Variants in RGL1 observed in about 807,000 individuals in gnomAD.
RGL1 encodes the protein ral guanine nucleotide dissociation stimulator-like 1.
In RGL1, 24 loss-of-function variants were observed where a neutral mutation model predicts 95.2. The observed-to-expected ratio is 0.25, with a 90% CI of 0.18 to 0.35. The LOEUF is 0.35. Ranked by LOEUF, RGL1 falls within the 10% of genes least tolerant of loss-of-function variation. The pLI is 1.00. For synonymous variants in RGL1, 329 were observed against 344.9 expected (o/e 0.95, Z 0.51); for missense variants, 715 against 936.3 (o/e 0.76, Z 3.08).
chr1:183,849,573 C>G (rs1198827866), intron 3 of RGL1, among the ~76,000 whole-genome samples: 6 of 145,316 alleles, frequency 4.1e-5, no homozygotes, highest in African/African-American at 1.5e-4. Context: ...TCACTGCAAC[C>G]TCCGCCTCTT....
At chr1:183,738,428 A>G (rs1657079549) in intron 1 of RGL1, among the ~76,000 whole-genome samples, 2 of 152,134 alleles carry the variant, frequency 1.3e-5, no homozygotes, top group Admixed American at 6.5e-5. Context: ...CTAAAAAAAA[A>G]AAGAAAGAAA....
chr1:183,905,004 T>G, intron 13 of RGL1, 33 bp downstream of exon 13: 1 of 1,590,980 alleles, frequency 6.3e-7, no homozygotes, highest in Admixed American at 1.9e-5. Context: ...GGGGTAGAAC[T>G]GAAGTGTTGG....
chr1:183,833,841 C>T (rs189904738), intron 2 of RGL1, among the ~76,000 whole-genome samples: 8 of 152,112 alleles, frequency 5.3e-5, no homozygotes, highest in South Asian at 2.1e-4. Context: ...TATATCGATT[C>T]GGTTAATGGC....
chr1:183,884,896 G>A lies in RGL1; in HGVS notation c.909G>A (p.Gln303=). 6.2e-7 allele frequency: 1 copy of A among 1,614,108 alleles called. No homozygotes were observed. The highest frequency in any genetic ancestry group is 8.5e-7 in the Non-Finnish European group (1 of 1,179,980). ...TGGGGGGCAAAGAACTCAAAACTCA[G>A]CAGAGAGCCAAAATCATTGAGAAGT... The part of the protein sequence containing the change: ...TILGGKELKT[Q]QRAKIIEKWI... Residue 303 remains glutamine, a synonymous_variant, in exon 7 of 18, where the codon CAG becomes CAA. Transcript: ENST00000360851.
rs942467079 is a variant in RGL1 at position 183,884,845 on chromosome 1, C to T, written c.858C>T (p.Leu286=). 9.3e-6 allele frequency: 15 copies of T among 1,614,028 alleles called. No homozygotes were observed. The highest frequency in any genetic ancestry group is 1.1e-5 in the South Asian group (1 of 91,094). Residue 286 remains leucine (L), a synonymous_variant, in exon 7 of 18, where the codon CTC becomes CTT. Coordinates refer to ENST00000360851, the MANE Select transcript of RGL1 (RefSeq NM_001297671.3). ...CCACCATCTCTCAGTTTAATACCCTCACCAAATGTGTTGTCAGCACCATCC... is the reference window on the plus strand; with the variant it reads ...CCACCATCTCTCAGTTTAATACCCTTACCAAATGTGTTGTCAGCACCATCC... The part of the protein sequence containing the change: ...IRATISQFNT[L]TKCVVSTILG...
chr1:183,665,314 C>T (rs1331883239), intron 1 of RGL1, among the ~76,000 whole-genome samples: 1 of 152,064 alleles, frequency 6.6e-6, no homozygotes, highest in Non-Finnish European at 1.5e-5. Flanking sequence ...TGAGAATTTT[C>T]ACATCTATGT....
intron 1 of RGL1, among the ~76,000 whole-genome samples, chr1:183,671,355 A>G (rs1652439832): frequency 6.6e-6 from 1 of 152,264 alleles, no homozygotes; most frequent in African/African-American, 2.4e-5. Flanking sequence ...TATACCCAAT[A>G]GTGGAATTGC....
chr1:183,734,382 C>T (rs1656808817), intron 1 of RGL1, among the ~76,000 whole-genome samples: 1 of 152,162 alleles, frequency 6.6e-6, no homozygotes, highest in Non-Finnish European at 1.5e-5. Flanking sequence ...AACCCTAAGG[C>T]TTATTCCATA....
At chr1:183,829,784 G>A (rs1191305734) in intron 2 of RGL1, among the ~76,000 whole-genome samples, 1 of 152,120 alleles carries the variant, frequency 6.6e-6, no homozygotes, top group Non-Finnish European at 1.5e-5. Context: ...ATTTGCACAT[G>A]CTGTTCCCTC....
At chr1:183,797,190 G>A (rs1311451671) in intron 2 of RGL1, among the ~76,000 whole-genome samples, 1 of 152,150 alleles carries the variant, frequency 6.6e-6, no homozygotes, top group Non-Finnish European at 1.5e-5. Context: ...TTAGCCGGGC[G>A]TGGTGGTGGG....
intron 2 of RGL1, among the ~76,000 whole-genome samples, chr1:183,793,725 T>C (rs550470668): frequency 6.6e-6 from 1 of 151,836 alleles, no homozygotes; most frequent in Admixed American, 6.6e-5. Context: ...AGAATGACTA[T>C]TATCAAAAAG....
intron 2 of RGL1, among the ~76,000 whole-genome samples, chr1:183,755,821 C>T (rs1428338881): frequency 6.6e-6 from 1 of 151,714 alleles, no homozygotes; most frequent in Non-Finnish European, 1.5e-5. Context: ...TGAGTATGGG[C>T]ACTCATAGGT....
chr1:183,905,739 G>A (rs574802135), intron 13 of RGL1, among the ~76,000 whole-genome samples: 7 of 152,140 alleles, frequency 4.6e-5, no homozygotes, highest in South Asian at 2.1e-4. Context: ...TAGCCTGCTC[G>A]CTTGTTGGCA....
At chr1:183,824,192 G>A (rs1017019604) in intron 2 of RGL1, among the ~76,000 whole-genome samples, 10 of 152,090 alleles carry the variant, frequency 6.6e-5, no homozygotes. Flanking sequence ...CCCATCCGTT[G>A]TTTTCAGTCT....
intron 2 of RGL1, among the ~76,000 whole-genome samples, chr1:183,838,069 G>T (rs773491881): frequency 1.3e-5 from 2 of 152,104 alleles, no homozygotes; most frequent in Non-Finnish European, 2.9e-5. Context: ...TTAGTTATTG[G>T]CATTCTGAGT....
At chr1:183,757,021 G>GT (rs11344065) in intron 2 of RGL1, among the ~76,000 whole-genome samples, 140 of 77,272 alleles carry the variant, frequency 1.8e-3, no homozygotes, top group African/African-American at 2.9e-3. Context: ...TGGTTTGTTT[G>GT]TTTTTTTTTT....
At chr1:183,648,847 G>T (rs192632617) in intron 1 of RGL1, 20 of 1,343,428 alleles carry the variant, frequency 1.5e-5, no homozygotes, top group Non-Finnish European at 1.9e-5. Flanking sequence ...TAAAACCAGC[G>T]CAGGAAAAAC....
intron 10 of RGL1, among the ~76,000 whole-genome samples, chr1:183,899,152 T>C (rs1295415866): frequency 6.6e-6 from 1 of 152,268 alleles, no homozygotes; most frequent in Non-Finnish European, 1.5e-5. Flanking sequence ...GCTGCAAAGC[T>C]AGAAGTGCAG....
In RGL1 at chr1:183,888,486, C is replaced by G. The variant is rs745391943; in HGVS notation, c.964C>G (p.Leu322Val). 8 of 1,607,942 alleles carry G rather than the reference C, an allele frequency of 5.0e-6. No homozygotes were observed. The highest frequency in any genetic ancestry group is 6.0e-6 in the Non-Finnish European group (7 of 1,174,668). ...ACTCCCCATGCAGGAATGTAGACTC[C>G]TGAAGAATTTTTCCTCCTTGAGGGC... ...WINIAHECRL[L>V]KNFSSLRAIV... The change falls in exon 8 of 18, where the codon CTG (leucine) becomes GTG (valine). Residue 322 changes from leucine to valine, a missense_variant. Leu to Val is a conservative substitution (Grantham distance 32, BLOSUM62 1). Transcript: ENST00000360851.
Sources: gnomAD v4.1 joint callset for allele counts (sites outside exome capture counted in the v4.1 genomes callset) on GRCh38, gnomAD v4.1.1 for gene constraint, MANE v1.5 for transcripts, NCBI Gene and HGNC (gene_info 2026-07-23, HGNC 2026-07-21) for gene names.